FXN: variants seen among roughly 807,000 people sequenced by gnomAD.
FXN encodes frataxin, mitochondrial.
A neutral mutation model predicts 22.4 loss-of-function variants in FXN; 14 were observed. The observed-to-expected ratio is 0.62, with a 90% CI of 0.41 to 0.98. The LOEUF is 0.98. Ranked by LOEUF, FXN falls within the 50% of genes least tolerant of loss-of-function variation. The pLI, the probability that FXN is intolerant of heterozygous loss-of-function variation, is 0.00. For synonymous variants in FXN, 120 were observed against 114.1 expected, an observed-to-expected ratio of 1.05 and a Z score of -0.33; for missense variants, 267 against 268.4, an observed-to-expected ratio of 0.99 and a Z score of 0.04.
chr9:69,062,366 C>T (rs910467772), intron 3 of FXN, among the ~76,000 whole-genome samples: 1 of 152,158 alleles, frequency 6.6e-6, no homozygotes, highest in Non-Finnish European at 1.5e-5. Context: ...CCTCCTTGGG[C>T]TCCCGAAGTG....
chr9:69,045,571 C>T (rs1450781509), intron 1 of FXN, among the ~76,000 whole-genome samples: 2 of 151,832 alleles, frequency 1.3e-5, no homozygotes, highest in African/African-American at 2.4e-5. Context: ...CCAGCCTGGG[C>T]GACAGAGCGA....
At chr9:69,047,537 C>G (rs777189440) in intron 2 of FXN, among the ~76,000 whole-genome samples, 6 of 152,168 alleles carry the variant, frequency 3.9e-5, no homozygotes, top group African/African-American at 1.4e-4. Context: ...TTCAGCCTCT[C>G]GAGAGGCTCC....
In FXN at chr9:69,075,762, A is replaced by C; in HGVS notation, c.*3000A>C. ...TTTCTATTTTTTGAGACAGGATCTC[A>C]CTTTGGCACTCAGGCTGGAGGACAG... On this transcript the variant is annotated 3_prime_UTR_variant, in exon 5 of 5. Coordinates refer to ENST00000484259, the MANE Select transcript of FXN (RefSeq NM_000144.5). 2.1e-5 allele frequency: 20 copies of C among 949,220 alleles called. No individual in the cohort carries two copies. Among genetic ancestry groups the C allele is most frequent in the Non-Finnish European group, 2.5e-5 (20 of 797,014 alleles). 58.8% of individuals were successfully genotyped at this position (949,220 alleles called of 1,614,324 possible).
At chr9:69,047,245 AG>A (rs1373499054) in intron 2 of FXN, among the ~76,000 whole-genome samples, 3 of 152,052 alleles carry the variant, frequency 2.0e-5, no homozygotes, top group Non-Finnish European at 4.4e-5. Flanking sequence ...TGGTCACCAC[AG>A]CCACCTCCGA....
chr9:69,057,346 C>G (rs955867080), intron 3 of FXN, among the ~76,000 whole-genome samples: 1 of 152,192 alleles, frequency 6.6e-6, no homozygotes, highest in African/African-American at 2.4e-5. Flanking sequence ...GGTCAGAGAA[C>G]CTTCCTGATT....
At chr9:69,048,536 T>A (rs1158758749) in intron 2 of FXN, among the ~76,000 whole-genome samples, 1 of 151,534 alleles carries the variant, frequency 6.6e-6, no homozygotes, top group Admixed American at 6.6e-5. Flanking sequence ...ACCCAGGAGA[T>A]GGAGGCTGCA....
chr9:69,076,217 G>GTTT lies in FXN; in HGVS notation c.*3467_*3469dup, dbSNP rs11310316. 75 of 837,138 alleles carry GTTT rather than the reference G, an allele frequency of 9.0e-5. No individual in the cohort carries two copies. In the East Asian group the frequency reaches 2.1e-3, roughly 23 times the overall value. 51.9% of individuals were successfully genotyped at this position (837,138 alleles called of 1,614,324 possible). ...TTGTAGACACTGACAGTGGCCTCAT[G>GTTT]TTTTTTTTTTTTTTAATCTATAAAA... On this transcript the variant is annotated 3_prime_UTR_variant, in exon 5 of 5. Transcript: ENST00000484259.
chr9:69,066,972 T>A (rs984816125), intron 4 of FXN, among the ~76,000 whole-genome samples: 1 of 152,136 alleles, frequency 6.6e-6, no homozygotes, highest in African/African-American at 2.4e-5. Context: ...GGCTCCCCGG[T>A]CCACCTCAGG....
chr9:69,048,266 G>A (rs573966650), intron 2 of FXN, among the ~76,000 whole-genome samples: 1 of 152,304 alleles, frequency 6.6e-6, no homozygotes, highest in South Asian at 2.1e-4. Context: ...CAGCAGGACT[G>A]AGTCCCTTGT....
chr9:69,062,258 C>A (rs1013838263), intron 3 of FXN, among the ~76,000 whole-genome samples: 1 of 152,004 alleles, frequency 6.6e-6, no homozygotes, highest in Admixed American at 6.6e-5. Flanking sequence ...ACTATAGGTG[C>A]GCACCACCAC....
chr9:69,041,500 C>A (rs1831656199), intron 1 of FXN, among the ~76,000 whole-genome samples: 1 of 152,202 alleles, frequency 6.6e-6, no homozygotes, highest in Non-Finnish European at 1.5e-5. Flanking sequence ...ACAGAAGTTC[C>A]TTTCAGGTGA....
At chr9:69,061,361 A>G (rs1832069513) in intron 3 of FXN, among the ~76,000 whole-genome samples, 1 of 152,116 alleles carries the variant, frequency 6.6e-6, no homozygotes, top group South Asian at 2.1e-4. Flanking sequence ...GCCGCTCATC[A>G]GTGATGAGAC....
At chr9:69,053,112 TG>T (rs1831883445) in intron 2 of FXN, 27 bp from the exon 3 acceptor site, 1 of 1,609,384 alleles carries the variant, frequency 6.2e-7, no homozygotes, top group Non-Finnish European at 8.5e-7. Flanking sequence ...TTGGTAATCA[TG>T]TTTTGGGTTT....
At chr9:69,067,546 A>C (rs1832191877) in intron 4 of FXN, among the ~76,000 whole-genome samples, 1 of 152,186 alleles carries the variant, frequency 6.6e-6, no homozygotes, top group South Asian at 2.1e-4. Context: ...AACTTGGCTA[A>C]AGAAGTCCCC....
At chr9:69,045,193 G>A (rs61290674) in intron 1 of FXN, among the ~76,000 whole-genome samples, 66,982 of 151,742 alleles carry the variant, frequency 0.44, 15,102 homozygotes, top group Non-Finnish European at 0.48. Context: ...AAATAGCTAC[G>A]TGTGGCTTGT....
At position 69,074,488 on chromosome 9, in the gene FXN, C is replaced by T. The variant is rs551511302; in HGVS notation, c.*1726C>T. On this transcript the variant is annotated 3_prime_UTR_variant, in exon 5 of 5. Coordinates refer to ENST00000484259, the MANE Select transcript of FXN (RefSeq NM_000144.5). Reference sequence around the variant, plus strand: ...GGAGGAGGTTACAGTGAGTCGAGATCGTACCTGAGCGACAGAGCGAGACTC... The same window carrying T: ...GGAGGAGGTTACAGTGAGTCGAGATTGTACCTGAGCGACAGAGCGAGACTC... The T allele has an allele frequency of 1.7e-5, 17 of 978,406 alleles. No individual in the cohort carries two copies. The African/African-American group carries it at 2.5e-4, about 14-fold the overall frequency. 60.6% of individuals were successfully genotyped at this position (978,406 alleles called of 1,614,324 possible).
At chr9:69,062,777 G>A (rs1832099560) in intron 3 of FXN, among the ~76,000 whole-genome samples, 1 of 152,002 alleles carries the variant, frequency 6.6e-6, no homozygotes, top group Non-Finnish European at 1.5e-5. Context: ...AGTGTTACAA[G>A]GTGAAAAGTT....
Position 69,075,641 on chromosome 9 carries a change from A to G in FXN, c.*2879A>G. The G allele has an allele frequency of 1.0e-6, 1 of 985,372 alleles. No individual in the cohort carries two copies. Among genetic ancestry groups the G allele is most frequent in the Non-Finnish European group, 1.2e-6 (1 of 829,910 alleles). The allele number at this position is 985,372 out of a possible 1,614,324, so 61.0% of individuals were successfully genotyped here. A position where few individuals can be genotyped will look rare whatever the true frequency, so the allele number is the denominator to read the frequency against. Reference sequence around the variant, plus strand: ...TGTGGTCCAGTCATCCATGTGAAGGATGAGTTTCCAGGAAAAGGTTATTAA... The same window carrying G: ...TGTGGTCCAGTCATCCATGTGAAGGGTGAGTTTCCAGGAAAAGGTTATTAA... On this transcript the variant is annotated 3_prime_UTR_variant, in exon 5 of 5. Coordinates refer to ENST00000484259, the MANE Select transcript of FXN (RefSeq NM_000144.5).
intron 1 of FXN, 23 bp from the exon 2 acceptor site, chr9:69,046,362 T>A (rs1170743627): frequency 6.4e-7 from 1 of 1,570,424 alleles, no homozygotes; most frequent in East Asian, 2.2e-5. Flanking sequence ...AATAGTAACG[T>A]ACTTCTTAAC....
Sources: allele counts gnomAD v4.1 joint callset (sites outside exome capture counted in the v4.1 genomes callset), GRCh38; gene constraint gnomAD v4.1.1; transcripts MANE v1.5; gene names NCBI Gene and HGNC (gene_info 2026-07-23, HGNC 2026-07-21).